FANCI: variants seen among roughly 807,000 people sequenced by gnomAD.
The protein encoded by FANCI is Fanconi anemia group I protein.
FANCI carries 156 observed loss-of-function variants against 176.1 expected under a neutral mutation model. The observed-to-expected ratio is 0.89, with a 90% CI of 0.78 to 1.01. FANCI has a LOEUF of 1.01. Among genes scored for constraint, FANCI ranks in the 50% least tolerant of loss-of-function variants. FANCI has a pLI of 0.00. For synonymous variants in FANCI, 613 were observed against 541.7 expected (o/e 1.13, Z -1.83); for missense variants, 1,678 against 1,534.1 (o/e 1.09, Z -1.57).
Position 89,305,593 on chromosome 15 carries a change from CTT to C in FANCI, c.3256-9_3256-8del, listed in dbSNP as rs752376850. The C allele has an allele frequency of 5.0e-6, 8 of 1,613,786 alleles. No homozygotes were observed. Among genetic ancestry groups the C allele is most frequent in the African/African-American group, 4.0e-5 (3 of 74,912 alleles). ...TGTGTAGTGAATCACACCAGGCACTCTTTTCTTTCAGTTACTTGTTCTGAGTC... is the reference window on the plus strand; with the variant it reads ...TGTGTAGTGAATCACACCAGGCACTCTTCTTTCAGTTACTTGTTCTGAGTC... On this transcript the variant is annotated splice_polypyrimidine_tract_variant and intron_variant, in intron 30 of 37. Coordinates refer to ENST00000310775, the MANE Select transcript of FANCI (RefSeq NM_001113378.2).
At chr15:89,292,913 C>T (rs201247797) in intron 21 of FANCI, 29 bp from the exon 22 acceptor site, 18 of 1,614,040 alleles carry the variant, frequency 1.1e-5, no homozygotes, top group Middle Eastern at 1.7e-4. Flanking sequence ...TCTTTAGTAG[C>T]TTGTTAATTT....
intron 34 of FANCI, among the ~76,000 whole-genome samples, chr15:89,308,895 A>G (rs1044900810): frequency 1.3e-5 from 2 of 152,014 alleles, no homozygotes; most frequent in African/African-American, 4.8e-5. Context: ...GCAGTGAGCA[A>G]AGATCGCACT....
chr15:89,315,401 C>T lies in FANCI; in HGVS notation c.3924+12C>T, dbSNP rs1465763371. On this transcript the variant is annotated intron_variant, in intron 37 of 37. Transcript: ENST00000310775. ...ATGAAAATGAAGAGGTCAGTGCTGG[C>T]TTCTGTCTGGAGCCCAGCCACTCTT... 1 of 1,573,826 alleles carries T rather than the reference C, an allele frequency of 6.4e-7. No individual in the cohort carries two copies. The highest frequency in any genetic ancestry group is 2.2e-5 in the East Asian group (1 of 44,692).
chr15:89,270,599 CATT>C (rs2053164225), intron 10 of FANCI, among the ~76,000 whole-genome samples: 1 of 151,864 alleles, frequency 6.6e-6, no homozygotes, highest in African/African-American at 2.4e-5. Context: ...TTTCTTTCGG[CATT>C]ATTAGCTGGC....
At chr15:89,308,097 G>T in intron 34 of FANCI, 1 of 1,118,390 alleles carries the variant, frequency 8.9e-7, no homozygotes, top group East Asian at 6.6e-5. Context: ...GGCTTTGTAA[G>T]TGTCATTTGG....
rs889494851 is a variant in FANCI at position 89,316,223 on chromosome 15, A to G, written c.3925-174A>G. 7.4e-6 allele frequency: 5 copies of G among 679,872 alleles called. No homozygotes were observed. The East Asian group carries it at 8.2e-5, about 11-fold the overall frequency. The allele number at this position is 679,872 out of a possible 1,614,324, so 42.1% of individuals were successfully genotyped here. ...ACTGTCTTATTACTCTACACTTTGG[A>G]GGACTCCTTCCTCTTCTTCAACAAC... On this transcript the variant is annotated intron_variant, in intron 37 of 37. Coordinates refer to ENST00000310775, the MANE Select transcript of FANCI (RefSeq NM_001113378.2).
intron 4 of FANCI, 48 bp from the exon 5 acceptor site, chr15:89,261,536 CA>C (rs2052712580): frequency 6.2e-7 from 1 of 1,608,206 alleles, no homozygotes; most frequent in African/African-American, 1.3e-5. Flanking sequence ...AAAGATTTAT[CA>C]AACATTGGAT....
intron 4 of FANCI, among the ~76,000 whole-genome samples, chr15:89,261,270 CA>C (rs200313839): frequency 4.0e-5 from 6 of 149,286 alleles, no homozygotes; most frequent in Admixed American, 1.3e-4. Context: ...GACCCCGTCT[CA>C]AAAAAAAAGC....
intron 2 of FANCI, among the ~76,000 whole-genome samples, chr15:89,253,241 A>T (rs1039565886): frequency 6.6e-6 from 1 of 152,242 alleles, no homozygotes; most frequent in Non-Finnish European, 1.5e-5. Context: ...TTGACAAATG[A>T]TATTGGAACA....
At chr15:89,261,429 G>C (rs972526509) in intron 4 of FANCI, among the ~76,000 whole-genome samples, 156 bp from the exon 5 acceptor site, 1 of 152,130 alleles carries the variant, frequency 6.6e-6, no homozygotes, top group African/African-American at 2.4e-5. Flanking sequence ...TTATAACTAC[G>C]TACCAGACAG....
intron 19 of FANCI, among the ~76,000 whole-genome samples, chr15:89,291,281 A>G (rs1321148089): frequency 6.6e-6 from 1 of 152,196 alleles, no homozygotes; most frequent in African/African-American, 2.4e-5. Context: ...ACCAGTAATA[A>G]GTAGTGGTAC....
At chr15:89,281,905 ATC>A in intron 16 of FANCI, 70 bp downstream of exon 16, 1 of 1,329,288 alleles carries the variant, frequency 7.5e-7, no homozygotes, top group Non-Finnish European at 1.1e-6. Context: ...TATCTCTGCC[ATC>A]TCCTAGTACC....
rs1046699492 is a variant in FANCI at position 89,274,229 on chromosome 15, G to T, written c.1037G>T (p.Gly346Val). The T allele has an allele frequency of 1.2e-6, 2 of 1,609,634 alleles. No individual in the cohort carries two copies. Among genetic ancestry groups the T allele is most frequent in the South Asian group, 1.1e-5 (1 of 90,522 alleles). ...TTTAAGGATCTTCAACTCCTCCAAG[G>T]CTCAAAATTTCTTCAGAATCTAGTT... Reference protein sequence around the residue: ...KSFKDLQLLQGSKFLQNLVPH... With the variant: ...KSFKDLQLLQVSKFLQNLVPH... Residue 346 changes from glycine to valine, a missense_variant, in exon 12 of 38, where the codon GGC becomes GTC. Around this residue, in one of 3 missense-constraint regions of FANCI, gnomAD observed 469 missense variants for 436.9 expected, o/e 1.07. Transcript: ENST00000310775.
chr15:89,273,620 T>C, intron 11 of FANCI, 151 bp downstream of exon 11: 1 of 636,578 alleles, frequency 1.6e-6, no homozygotes, highest in Non-Finnish European at 2.8e-6. Flanking sequence ...AAGACATGTA[T>C]GTCCCCTCTG....
chr15:89,262,191 C>A (rs2052739888), intron 6 of FANCI, among the ~76,000 whole-genome samples: 1 of 151,858 alleles, frequency 6.6e-6, no homozygotes, highest in Non-Finnish European at 1.5e-5. Flanking sequence ...TTATTGGAGT[C>A]TCAAGGTCGT....
Position 89,283,033 on chromosome 15 carries a change from T to G in FANCI, c.1584-103T>G, listed in dbSNP as rs1211613595. On this transcript the variant is annotated intron_variant, in intron 16 of 37. Transcript: ENST00000310775. ...TTGTTTTGCTCTACGCTTCATTGTTTATACATATGCCTTCTCTGTATGCAA... is the reference window on the plus strand; with the variant it reads ...TTGTTTTGCTCTACGCTTCATTGTTGATACATATGCCTTCTCTGTATGCAA... The G allele has an allele frequency of 2.7e-6, 3 of 1,115,230 alleles. No individual in the cohort carries two copies. The Admixed American group carries it at 5.4e-5, about 20-fold the overall frequency. The allele number at this position is 1,115,230 out of a possible 1,614,324, so 69.1% of individuals were successfully genotyped here.
In FANCI at chr15:89,302,795, G is replaced by C. The variant is rs1359738281; in HGVS notation, c.3007-1069G>C. Among the ~76,000 whole-genome samples, 5 of 152,074 alleles carry C rather than the reference G, an allele frequency of 3.3e-5. No individual in the cohort carries two copies. In the East Asian group the frequency reaches 9.6e-4, roughly 29 times the overall value. On this transcript the variant is annotated intron_variant, in intron 27 of 37. Transcript: ENST00000310775. ...TCACCGTGTTAGCCAGGATGATCTC[G>C]ATCTCCTGACCTCGTGATTCACCCG...
chr15:89,247,185 T>C (rs1204477696), intron 1 of FANCI, among the ~76,000 whole-genome samples: 3 of 152,042 alleles, frequency 2.0e-5, no homozygotes, highest in Non-Finnish European at 4.4e-5. Flanking sequence ...CTCACTTGTT[T>C]TTATACCATT....
chr15:89,313,033 G>T, intron 35 of FANCI, 61 bp downstream of exon 35: 2 of 1,480,466 alleles, frequency 1.4e-6, no homozygotes, highest in Middle Eastern at 3.4e-4. Context: ...ACATGAAGCG[G>T]AAGAAGCCAG....
Sources: gnomAD v4.1 joint callset for allele counts (sites outside exome capture counted in the v4.1 genomes callset) on GRCh38, gnomAD v4.1.1 for gene constraint, gnomAD v4.1.1 regional missense constraint, MANE v1.5 for transcripts, NCBI Gene and HGNC (gene_info 2026-07-23, HGNC 2026-07-21) for gene names.